The following ARHGAP21 variants were observed in gnomAD, a reference collection of about 807,000 sequenced individuals.
The protein encoded by ARHGAP21 is rho GTPase-activating protein 21.
ARHGAP21 carries 38 observed loss-of-function variants against 164.6 expected under a neutral mutation model. The ratio of observed to expected loss-of-function variants is 0.23; its 90% CI spans 0.18 to 0.30. ARHGAP21 has a LOEUF of 0.30. Among genes scored for constraint, ARHGAP21 ranks in the 10% least tolerant of loss-of-function variants. The pLI, the probability that ARHGAP21 is intolerant of heterozygous loss-of-function variation, is 1.00. For synonymous variants in ARHGAP21, 766 were observed against 857.9 expected (o/e 0.89, Z 1.87); for missense variants, 1,822 against 2,370.7 (o/e 0.77, Z 4.81).
intron 2 of ARHGAP21, among the ~76,000 whole-genome samples, chr10:24,711,280 G>C (rs1265880709): frequency 6.6e-6 from 1 of 151,780 alleles, no homozygotes; most frequent in Non-Finnish European, 1.5e-5. Context: ...GAAAAATTCT[G>C]GGAGAAGGAA....
intron 12 of ARHGAP21, among the ~76,000 whole-genome samples, chr10:24,602,599 TTAA>T (rs988257411): frequency 6.6e-6 from 1 of 152,182 alleles, no homozygotes; most frequent in Non-Finnish European, 1.5e-5. Flanking sequence ...TGTTCGCTGA[TTAA>T]TGTGATCAAT....
rs1457623801 is a variant in ARHGAP21, at chr10:24,656,247, G to T, written c.268+10738C>A. 2.3e-5 allele frequency among the ~76,000 whole-genome samples: 3 copies of T among 128,258 alleles called. No individual in the cohort carries two copies. The East Asian group carries it at 7.4e-4, about 32-fold the overall frequency. The allele number at this position is 128,258 out of a possible 152,430, so 84.1% of individuals were successfully genotyped here. On this transcript the variant is annotated intron_variant, in intron 4 of 25. Coordinates refer to ENST00000396432, the MANE Select transcript of ARHGAP21 (RefSeq NM_020824.4). ...ATCCCCCCGCCCGGCCAGCCGCCCCGTCCGGGAGGTGAGAGGCACCTCTGC... is the reference window on the plus strand; with the variant it reads ...ATCCCCCCGCCCGGCCAGCCGCCCCTTCCGGGAGGTGAGAGGCACCTCTGC...
At chr10:24,590,349 G>A in intron 24 of ARHGAP21, 1 of 1,535,264 alleles carries the variant, frequency 6.5e-7, no homozygotes, top group Admixed American at 2.0e-5. Flanking sequence ...ACAAGAATCG[G>A]GGATTTCTGC....
intron 4 of ARHGAP21, among the ~76,000 whole-genome samples, chr10:24,652,369 G>C (rs1838268304): frequency 6.6e-6 from 1 of 152,150 alleles, no homozygotes; most frequent in Non-Finnish European, 1.5e-5. Flanking sequence ...GCTTAATTGT[G>C]AATAACGCAT....
intron 4 of ARHGAP21, among the ~76,000 whole-genome samples, chr10:24,646,470 G>A (rs546373974): frequency 1.4e-4 from 22 of 152,058 alleles, no homozygotes; most frequent in South Asian, 4.2e-4. Flanking sequence ...AAACCTTGTC[G>A]CTACAAAAAA....
At chr10:24,665,038 T>C (rs2131715777) in intron 4 of ARHGAP21, among the ~76,000 whole-genome samples, 1 of 152,304 alleles carries the variant, frequency 6.6e-6, no homozygotes, top group South Asian at 2.1e-4. Flanking sequence ...ATGCTGTGTG[T>C]CCAGTAGGTT....
intron 12 of ARHGAP21, 129 bp downstream of exon 12, chr10:24,604,183 G>T: frequency 1.7e-6 from 1 of 578,260 alleles, no homozygotes; most frequent in Non-Finnish European, 2.7e-6. Flanking sequence ...TCAGCACAAT[G>T]TGTATCAAGT....
chr10:24,698,233 C>G (rs1179604625), intron 2 of ARHGAP21, among the ~76,000 whole-genome samples: 1 of 152,108 alleles, frequency 6.6e-6, no homozygotes, highest in East Asian at 1.9e-4. Flanking sequence ...ATATATAGTA[C>G]TATGTAAAAA....
intron 2 of ARHGAP21, among the ~76,000 whole-genome samples, chr10:24,705,806 G>GCTAT (rs1355680775): frequency 6.6e-6 from 1 of 152,170 alleles, no homozygotes; most frequent in Non-Finnish European, 1.5e-5. Flanking sequence ...TGGAACAAAA[G>GCTAT]CTATCATTCA....
chr10:24,716,196 A>C (rs1476520522), intron 2 of ARHGAP21, among the ~76,000 whole-genome samples: 1 of 152,190 alleles, frequency 6.6e-6, no homozygotes, highest in East Asian at 1.9e-4. Context: ...CACTCTCAAC[A>C]CCTGCGTTCT....
At position 24,670,264 on chromosome 10, in the gene ARHGAP21, T is replaced by C. The variant is rs759197558; in HGVS notation, c.197A>G (p.His66Arg). 6.2e-7 allele frequency: 1 copy of C among 1,603,936 alleles called. No homozygotes were observed. Among genetic ancestry groups the C allele is most frequent in the Non-Finnish European group, 8.5e-7 (1 of 1,174,944 alleles). Reference protein sequence around the residue: ...TSQGFGFTLRHFIVYPPESAI... With the variant: ...TSQGFGFTLRRFIVYPPESAI... The stretch of plus-strand genomic sequence containing the variant: ...AGACTCTGGGGGATAAACAATAAAA[T>C]GTCTTAATGTAAAACCAAAGCCTTG... The change falls in exon 3 of 26, where the codon CAT becomes CGT. Residue 66 changes from histidine to arginine, a missense_variant. Transcript: ENST00000396432.
At chr10:24,606,116 T>A (rs1041789595) in intron 11 of ARHGAP21, among the ~76,000 whole-genome samples, 2 of 151,002 alleles carry the variant, frequency 1.3e-5, no homozygotes, top group African/African-American at 4.9e-5. Flanking sequence ...TACAAAAAAA[T>A]AAAAAGTAAA....
chr10:24,702,417 C>T (rs1843771385), intron 2 of ARHGAP21, among the ~76,000 whole-genome samples: 1 of 152,026 alleles, frequency 6.6e-6, no homozygotes, highest in Non-Finnish European at 1.5e-5. Flanking sequence ...AGGCGTGAGC[C>T]ACCACGCCTG....
chr10:24,630,646 C>T (rs1835763848), intron 6 of ARHGAP21, among the ~76,000 whole-genome samples: 1 of 152,116 alleles, frequency 6.6e-6, no homozygotes, highest in Admixed American at 6.6e-5. Flanking sequence ...GCATGTGCCA[C>T]CATACCCAGC....
chr10:24,607,016 T>A (rs1407994857), intron 11 of ARHGAP21, among the ~76,000 whole-genome samples: 2 of 152,202 alleles, frequency 1.3e-5, no homozygotes, highest in African/African-American at 4.8e-5. Context: ...AGAGTATTGG[T>A]TAAGTATATT....
chr10:24,696,046 A>G (rs777395361), intron 2 of ARHGAP21, among the ~76,000 whole-genome samples: 66 of 152,174 alleles, frequency 4.3e-4, no homozygotes, highest in Non-Finnish European at 7.2e-4. Flanking sequence ...GCAATAGATA[A>G]CTGAACTGAC....
chr10:24,593,016 G>C (rs536488422), intron 21 of ARHGAP21, among the ~76,000 whole-genome samples: 2 of 151,920 alleles, frequency 1.3e-5, no homozygotes, highest in Admixed American at 1.3e-4. Flanking sequence ...AAATCTTATA[G>C]TATCTGATAT....
In ARHGAP21 at chr10:24,723,845, C is replaced by T. The variant is rs1444003228; in HGVS notation, c.-664G>A. ...CTCCCCTCGCCTCGCCGGGCCGGGC[C>T]GGGGCCCAGCTCCGGCGCCCGCGAA... On this transcript the variant is annotated 5_prime_UTR_variant, in exon 1 of 26. Transcript: ENST00000396432. Among the ~76,000 whole-genome samples, 1 of 150,260 alleles carries T rather than the reference C, an allele frequency of 6.7e-6. No homozygotes were observed. Among genetic ancestry groups the T allele is most frequent in the Non-Finnish European group, 1.5e-5 (1 of 67,482 alleles).
intron 2 of ARHGAP21, among the ~76,000 whole-genome samples, chr10:24,716,325 G>A (rs1402665070): frequency 6.6e-6 from 1 of 152,214 alleles, no homozygotes; most frequent in African/African-American, 2.4e-5. Flanking sequence ...CAGGGAGCAG[G>A]GGAGGGGCAT....
Sources: gnomAD v4.1 joint callset for allele counts (sites outside exome capture counted in the v4.1 genomes callset) on GRCh38, gnomAD v4.1.1 for gene constraint, MANE v1.5 for transcripts, NCBI Gene and HGNC (gene_info 2026-07-23, HGNC 2026-07-21) for gene names.